Variants in PAK3 observed in about 807,000 individuals in gnomAD.
PAK3 encodes serine/threonine-protein kinase PAK 3.
In PAK3, 4 loss-of-function variants were observed where a neutral mutation model predicts 41.0. The ratio of observed to expected loss-of-function variants is 0.10; its 90% CI spans 0.05 to 0.22. The LOEUF (loss-of-function observed/expected upper bound fraction) is 0.22. PAK3 is among the 10% of genes least tolerant of loss of function. The pLI, the probability that PAK3 is intolerant of heterozygous loss-of-function variation, is 1.00. For missense variants in PAK3, 205 were observed against 409.9 expected, an observed-to-expected ratio of 0.50 and a Z score of 4.32; for synonymous variants, 146 against 139.6, an observed-to-expected ratio of 1.05 and a Z score of -0.32.
At chrX:111,192,698 C>T (rs1318287133) in intron 13 of PAK3, 80 bp downstream of exon 13, 2 of 540,724 alleles carry the variant, frequency 3.7e-6, no homozygotes, top group Non-Finnish European at 6.5e-6. Flanking sequence ...ATTTGGGATT[C>T]GTTCATTTAA....
chrX:111,188,150 G>T (rs1292922819), intron 11 of PAK3, among the ~76,000 whole-genome samples: 1 of 108,808 alleles, frequency 9.2e-6, no homozygotes, highest in East Asian at 2.9e-4. Context: ...GAGATTCCAG[G>T]GTTAGAACTC....
chrX:111,159,708 G>C (rs1286000610), intron 8 of PAK3, among the ~76,000 whole-genome samples: 2 of 112,027 alleles, frequency 1.8e-5, no homozygotes, highest in Non-Finnish European at 3.8e-5. Context: ...ATTAACAGAT[G>C]TTGCTATCCA....
intron 7 of PAK3, 103 bp from the exon 8 acceptor site, chrX:111,152,307 T>C (rs2094039889): frequency 3.5e-6 from 2 of 567,112 alleles, no homozygotes; most frequent in Non-Finnish European, 6.1e-6. Flanking sequence ...CATTTCCTTC[T>C]AGTTGAAATC....
chrX:111,088,402 A>C (rs2092905808), intron 1 of PAK3, among the ~76,000 whole-genome samples: 1 of 111,921 alleles, frequency 8.9e-6, no homozygotes. Context: ...ACGTCTATGT[A>C]ATAATGTCCC....
At chrX:111,185,751 G>A (rs1046050639) in intron 11 of PAK3, among the ~76,000 whole-genome samples, 1 of 110,908 alleles carries the variant, frequency 9.0e-6, no homozygotes. Flanking sequence ...CAGTACCATG[G>A]TGTTTTGGTT....
intron 1 of PAK3, among the ~76,000 whole-genome samples, chrX:111,053,046 C>T (rs2092573306): frequency 8.9e-6 from 1 of 112,292 alleles, no homozygotes; most frequent in Non-Finnish European, 1.9e-5. Context: ...ATTAGATTCA[C>T]ATGTTTATTC....
upstream of PAK3, among the ~76,000 whole-genome samples, chrX:111,094,006 A>G (rs955110382): frequency 1.8e-5 from 2 of 111,933 alleles, no homozygotes; most frequent in African/African-American, 6.5e-5. Flanking sequence ...TGAATAAATT[A>G]CATTCATTTT....
At chrX:111,040,931 C>T (rs1322179858) in intron 1 of PAK3, among the ~76,000 whole-genome samples, 1 of 111,646 alleles carries the variant, frequency 9.0e-6, no homozygotes, top group African/African-American at 3.3e-5. Flanking sequence ...GTTAGGAACC[C>T]AGCCTATTAA....
At chrX:111,079,845 T>C (rs1295923001) in intron 1 of PAK3, among the ~76,000 whole-genome samples, 1 of 112,179 alleles carries the variant, frequency 8.9e-6, no homozygotes, top group Non-Finnish European at 1.9e-5. Context: ...TTGGAAGAAG[T>C]TGATTCCAAC....
chrX:111,054,453 T>A (rs1266543052), intron 1 of PAK3, among the ~76,000 whole-genome samples: 3 of 112,355 alleles, frequency 2.7e-5, no homozygotes, highest in Non-Finnish European at 5.6e-5. Flanking sequence ...ATAAGAAAAA[T>A]CAGAGCTGTG....
intron 3 of PAK3, among the ~76,000 whole-genome samples, chrX:111,099,154 C>G (rs983503835): frequency 8.9e-6 from 1 of 112,656 alleles, no homozygotes; most frequent in Non-Finnish European, 1.9e-5. Context: ...CCGGGTGTGG[C>G]AGTCTATTTC....
At chrX:111,155,012 A>T (rs2094084282) in intron 8 of PAK3, among the ~76,000 whole-genome samples, 1 of 111,726 alleles carries the variant, frequency 9.0e-6, no homozygotes, top group Admixed American at 9.6e-5. Context: ...TGTAGAATTA[A>T]AATGAAGTCT....
intron 1 of PAK3, among the ~76,000 whole-genome samples, chrX:110,976,073 C>T (rs1365411352): frequency 8.9e-6 from 1 of 111,993 alleles, no homozygotes; most frequent in Admixed American, 9.4e-5. Context: ...GACAAAAACA[C>T]CAAAAGCAAT....
chrX:111,006,849 C>CTTTCTTTCTTTCTTTTT (rs1556434441), intron 1 of PAK3, among the ~76,000 whole-genome samples: 6 of 42,725 alleles, frequency 1.4e-4, no homozygotes, highest in Non-Finnish European at 1.7e-4. Flanking sequence ...TTCTTTCTTT[C>CTTTCTTTCTTTCTTTTT]TTTTTTTTTT....
intron 1 of PAK3, among the ~76,000 whole-genome samples, chrX:111,062,058 T>C (rs979766943): frequency 6.3e-5 from 7 of 111,425 alleles, no homozygotes; most frequent in Non-Finnish European, 1.1e-4. Context: ...GCTCAACTGG[T>C]CCTCCTGCCT....
intron 1 of PAK3, among the ~76,000 whole-genome samples, chrX:110,946,712 C>T (rs1011261981): frequency 1.3e-4 from 15 of 112,262 alleles, no homozygotes; most frequent in African/African-American, 3.9e-4. Flanking sequence ...CCAACTTCAA[C>T]GCAGGAATTT....
intron 1 of PAK3, among the ~76,000 whole-genome samples, chrX:111,062,443 A>C (rs972402357): frequency 4.5e-5 from 5 of 112,244 alleles, no homozygotes; most frequent in Non-Finnish European, 9.4e-5. Context: ...ATTTATTAGA[A>C]AATAATTCAT....
intron 1 of PAK3, among the ~76,000 whole-genome samples, chrX:111,013,250 T>C (rs1437297839): frequency 8.9e-6 from 1 of 112,275 alleles, no homozygotes; most frequent in African/African-American, 3.2e-5. Flanking sequence ...GAATCACTCT[T>C]CTCATTTGAC....
intron 7 of PAK3, among the ~76,000 whole-genome samples, chrX:111,150,008 G>T (rs1200196910): frequency 8.9e-6 from 1 of 112,364 alleles, no homozygotes; most frequent in Non-Finnish European, 1.9e-5. Context: ...CAGCACTCAA[G>T]TTACTTCTTG....
Sources: gnomAD v4.1 joint callset for allele counts (sites outside exome capture counted in the v4.1 genomes callset) on GRCh38, gnomAD v4.1.1 for gene constraint, MANE v1.5 for transcripts, NCBI Gene and HGNC (gene_info 2026-07-23, HGNC 2026-07-21) for gene names.